Variants in ROBO1 observed in about 807,000 individuals in gnomAD.
The protein encoded by ROBO1 is roundabout homolog 1.
Under a neutral mutation model 195.9 loss-of-function variants are expected in ROBO1, and 149 were observed. That is an observed-to-expected ratio of 0.76 (90% CI 0.67 to 0.87). The LOEUF (loss-of-function observed/expected upper bound fraction) is 0.87. Among genes scored for constraint, ROBO1 ranks in the 40% least tolerant of loss-of-function variants. ROBO1 has a pLI of 0.00. For missense variants in ROBO1, 1,933 were observed against 2,068.3 expected (o/e 0.93, Z 1.27); for synonymous variants, 816 against 733.2 (o/e 1.11, Z -1.82).
intron 2 of ROBO1, among the ~76,000 whole-genome samples, chr3:79,415,047 T>C (rs2106889030): frequency 6.6e-6 from 1 of 152,298 alleles, no homozygotes; most frequent in African/African-American, 2.4e-5. Flanking sequence ...AGCAATCTCA[T>C]TCTTCCTAAG....
At chr3:78,726,757 C>G (rs1645920275) in intron 5 of ROBO1, among the ~76,000 whole-genome samples, 1 of 152,142 alleles carries the variant, frequency 6.6e-6, no homozygotes, top group Non-Finnish European at 1.5e-5. Flanking sequence ...TCATAGCCCC[C>G]AGACATTCCC....
chr3:78,601,982 T>C (rs1507418), intron 29 of ROBO1, among the ~76,000 whole-genome samples: 27,415 of 151,786 alleles, frequency 0.18, 2,929 homozygotes, highest in East Asian at 0.44. Flanking sequence ...ATAATTCATA[T>C]ATATGTATAA....
chr3:78,715,987 T>C (rs2108063306), intron 7 of ROBO1, among the ~76,000 whole-genome samples: 1 of 152,358 alleles, frequency 6.6e-6, no homozygotes, highest in East Asian at 1.9e-4. Context: ...TCCTATGCCC[T>C]ACCTAGCCAT....
intron 4 of ROBO1, among the ~76,000 whole-genome samples, chr3:78,934,326 T>C (rs1433517916): frequency 1.3e-5 from 2 of 151,910 alleles, no homozygotes; most frequent in Non-Finnish European, 2.9e-5. Flanking sequence ...AAGAGTAAAA[T>C]GGTGTTTAAA....
At chr3:79,688,339 G>T (rs962491945) in intron 1 of ROBO1, among the ~76,000 whole-genome samples, 2 of 151,924 alleles carry the variant, frequency 1.3e-5, no homozygotes, top group African/African-American at 4.8e-5. Context: ...TGCACGTTGT[G>T]CACATGTACC....
At chr3:79,718,311 A>G (rs1260111275) in intron 1 of ROBO1, among the ~76,000 whole-genome samples, 1 of 152,060 alleles carries the variant, frequency 6.6e-6, no homozygotes, top group Non-Finnish European at 1.5e-5. Flanking sequence ...ATTTATATCA[A>G]AAATTAAACA....
chr3:79,242,810 C>A (rs1040943435), intron 2 of ROBO1, among the ~76,000 whole-genome samples: 4 of 152,080 alleles, frequency 2.6e-5, no homozygotes, highest in Non-Finnish European at 1.5e-5. Context: ...TGTGATGTCC[C>A]AGCCACTTAA....
chr3:78,872,177 TAACA>T (rs2035589965), intron 4 of ROBO1, among the ~76,000 whole-genome samples: 2 of 152,320 alleles, frequency 1.3e-5, no homozygotes, highest in South Asian at 4.1e-4. Context: ...TTCTGACTTC[TAACA>T]AATACTCTTT....
intron 18 of ROBO1, among the ~76,000 whole-genome samples, chr3:78,652,892 G>A (rs576319783): frequency 3.3e-5 from 5 of 151,806 alleles, no homozygotes; most frequent in Non-Finnish European, 7.4e-5. Flanking sequence ...TAGAGAACTG[G>A]AGGCTGTATC....
chr3:78,667,595 C>G (rs1201438302), intron 14 of ROBO1, among the ~76,000 whole-genome samples: 1 of 152,078 alleles, frequency 6.6e-6, no homozygotes, highest in East Asian at 1.9e-4. Context: ...TGGTAACCAT[C>G]ATTCTACTTT....
At chr3:78,652,114 T>C (rs1053576146) in intron 18 of ROBO1, among the ~76,000 whole-genome samples, 185 bp from the exon 19 acceptor site, 10 of 152,226 alleles carry the variant, frequency 6.6e-5, no homozygotes, top group Non-Finnish European at 1.5e-4. Context: ...ATTTTATTTA[T>C]TTCTTTCAAC....
intron 3 of ROBO1, among the ~76,000 whole-genome samples, chr3:79,051,785 A>T (rs190759394): frequency 1.3e-5 from 2 of 152,226 alleles, no homozygotes; most frequent in Admixed American, 1.3e-4. Flanking sequence ...ATAATTTCTT[A>T]TGCCTGTCTT....
chr3:79,487,785 A>C (rs1162817915), intron 2 of ROBO1, among the ~76,000 whole-genome samples: 1 of 152,184 alleles, frequency 6.6e-6, no homozygotes, highest in Non-Finnish European at 1.5e-5. Flanking sequence ...TATGAGGTCA[A>C]AAATTATTTT....
chr3:78,978,217 C>T (rs969112958), intron 3 of ROBO1, among the ~76,000 whole-genome samples: 3 of 151,910 alleles, frequency 2.0e-5, no homozygotes, highest in Admixed American at 6.6e-5. Flanking sequence ...AACATATATG[C>T]TTCCATCTAG....
intron 10 of ROBO1, among the ~76,000 whole-genome samples, chr3:78,671,765 T>C (rs1708078378): frequency 6.6e-6 from 1 of 152,162 alleles, no homozygotes. Flanking sequence ...AGAAGGAATA[T>C]TCTTTATAAC....
intron 1 of ROBO1, among the ~76,000 whole-genome samples, chr3:79,671,237 A>T (rs966912712): frequency 3.9e-5 from 6 of 151,980 alleles, no homozygotes; most frequent in African/African-American, 1.2e-4. Flanking sequence ...TGCGTTTGTT[A>T]TGCCTGTGAA....
intron 2 of ROBO1, among the ~76,000 whole-genome samples, chr3:79,412,731 T>C (rs929391999): frequency 2.6e-5 from 4 of 152,012 alleles, no homozygotes; most frequent in African/African-American, 9.7e-5. Context: ...TCCAAATTCA[T>C]GAAGCCGGCA....
At chr3:78,661,932 T>C (rs904795654) in intron 15 of ROBO1, 61 bp downstream of exon 15, 54 of 1,541,572 alleles carry the variant, frequency 3.5e-5, no homozygotes, top group Middle Eastern at 2.2e-4. Context: ...ACATTTTATA[T>C]GCATTGCAAT....
intron 2 of ROBO1, among the ~76,000 whole-genome samples, chr3:79,489,974 T>C (rs1939368842): frequency 6.6e-6 from 1 of 152,224 alleles, no homozygotes; most frequent in Admixed American, 6.5e-5. Flanking sequence ...AGGATACATT[T>C]GTTGATCTTT....
Sources: allele counts gnomAD v4.1 joint callset (sites outside exome capture counted in the v4.1 genomes callset), GRCh38; gene constraint gnomAD v4.1.1; transcripts MANE v1.5; gene names NCBI Gene and HGNC (gene_info 2026-07-23, HGNC 2026-07-21).